Variants in ATP1A2 observed in about 807,000 individuals in gnomAD.
ATP1A2 encodes the protein sodium/potassium-transporting ATPase subunit alpha-2.
Under a neutral mutation model 113.1 loss-of-function variants are expected in ATP1A2, and 56 were observed. That is an observed-to-expected ratio of 0.49 (90% CI 0.40 to 0.62). The LOEUF is 0.62. ATP1A2 is among the 20% of genes least tolerant of loss of function. The pLI, the probability that ATP1A2 is intolerant of heterozygous loss-of-function variation, is 0.00. For synonymous variants in ATP1A2, 490 were observed against 526.8 expected, an observed-to-expected ratio of 0.93 and a Z score of 0.96; for missense variants, 712 against 1,357.8, an observed-to-expected ratio of 0.52 and a Z score of 7.47.
chr1:160,139,524 A>T, intron 20 of ATP1A2, 116 bp from the exon 21 acceptor site: 1 of 877,500 alleles, frequency 1.1e-6, no homozygotes, highest in Non-Finnish European at 1.9e-6. Context: ...GGAAGAAGAC[A>T]TGCGACTATG....
Position 160,136,479 on chromosome 1 carries a change from G to T in ATP1A2, c.2564-91G>T, listed in dbSNP as rs868698964. 7.8e-5 allele frequency: 125 copies of T among 1,612,526 alleles called. No homozygotes were observed. In the Admixed American group the frequency reaches 1.0e-3, roughly 13 times the overall value. On this transcript the variant is annotated intron_variant, in intron 18 of 22. Coordinates refer to ENST00000361216, the MANE Select transcript of ATP1A2 (RefSeq NM_000702.4). ...CCAGGACAGAGGCCAGCTACCCAAG[G>T]GTCAGGGACCTCCATCTCTGGCCCT...
Position 160,141,394 on chromosome 1 carries a change from G to A in ATP1A2, c.*72G>A, listed in dbSNP as rs2070701. On this transcript the variant is annotated 3_prime_UTR_variant, in exon 23 of 23. Coordinates refer to ENST00000361216, the MANE Select transcript of ATP1A2 (RefSeq NM_000702.4). ...GGTGTTGTGGGGATGGTGATGGAGA[G>A]GGATGGAAATAACGGGTGGCATTGG... 7,585 of 1,590,770 alleles carry A rather than the reference G, an allele frequency of 4.8e-3. 199 individuals carry two copies. In the Admixed American group the frequency reaches 0.066, roughly 14 times the overall value.
chr1:160,122,334 C>T (rs1176501582), intron 3 of ATP1A2, among the ~76,000 whole-genome samples: 2 of 150,142 alleles, frequency 1.3e-5, no homozygotes, highest in Admixed American at 6.7e-5. Context: ...AGGGCAGGGA[C>T]TTTGTTGGTC....
Position 160,141,378 on chromosome 1 carries a change from G to A in ATP1A2, c.*56G>A. On this transcript the variant is annotated 3_prime_UTR_variant, in exon 23 of 23. Coordinates refer to ENST00000361216, the MANE Select transcript of ATP1A2 (RefSeq NM_000702.4). Reference sequence around the variant, plus strand: ...GATGGGGAGCTCTGGAGGTGTTGTGGGGATGGTGATGGAGAGGGATGGAAA... The same window carrying A: ...GATGGGGAGCTCTGGAGGTGTTGTGAGGATGGTGATGGAGAGGGATGGAAA... The A allele has an allele frequency of 6.2e-7, 1 of 1,605,774 alleles. No individual in the cohort carries two copies. The highest frequency in any genetic ancestry group is 8.5e-7 in the Non-Finnish European group (1 of 1,172,448).
intron 8 of ATP1A2, chr1:160,128,383 C>A: frequency 1.1e-6 from 1 of 911,428 alleles, no homozygotes; most frequent in Non-Finnish European, 1.7e-6. Context: ...GTGTTGATGA[C>A]TCAGACATCC....
rs1215582819 is a variant in ATP1A2, at chr1:160,141,323, C to T, written c.*1C>T. 6.2e-7 allele frequency: 1 copy of T among 1,614,060 alleles called. No homozygotes were observed. The highest frequency in any genetic ancestry group is 8.5e-7 in the Non-Finnish European group (1 of 1,179,960). On this transcript the variant is annotated 3_prime_UTR_variant, in exon 23 of 23. Transcript: ENST00000361216. ...GGTGGAGAAGGAGACATACTACTGA[C>T]CCCATTGGAAGAAGAACCAGGCATG...
At chr1:160,128,450 C>G (rs1273969654) in intron 8 of ATP1A2, 22 of 1,487,772 alleles carry the variant, frequency 1.5e-5, no homozygotes, top group Non-Finnish European at 1.9e-5. Flanking sequence ...TCTTAAACCC[C>G]CTAATGGGCA....
At chr1:160,137,079 C>T in intron 20 of ATP1A2, 48 bp downstream of exon 20, 1 of 1,613,330 alleles carries the variant, frequency 6.2e-7, no homozygotes, top group Non-Finnish European at 8.5e-7. Context: ...TCTGGGCACA[C>T]TCACCAACCC....
rs138766432 is a variant in ATP1A2, at chr1:160,128,738, G to C, written c.1104G>C (p.Thr368=). The C allele has an allele frequency of 4.3e-6, 7 of 1,614,026 alleles. No individual in the cohort carries two copies. The African/African-American group carries it at 9.3e-5, about 22-fold the overall frequency. The change falls in exon 9 of 23, where the codon ACG becomes ACC. Residue 368 remains threonine, a synonymous_variant. Transcript: ENST00000361216. ...AGGCGGTGGAGACGCTGGGCTCCAC[G>C]TCCACCATCTGCTCGGACAAGACGG... is the stretch of plus-strand genomic sequence containing the variant. ...NLEAVETLGS[T]STICSDKTGT... is the part of the protein sequence containing the mutation.
At chr1:160,116,971 G>A (rs1651205502) in intron 1 of ATP1A2, among the ~76,000 whole-genome samples, 1 of 152,146 alleles carries the variant, frequency 6.6e-6, no homozygotes, top group South Asian at 2.1e-4. Context: ...GTGTGTGTGA[G>A]TGTGTGTCCT....
chr1:160,139,756 C>G lies in ATP1A2; in HGVS notation c.2942+15C>G, dbSNP rs202210259. On this transcript the variant is annotated intron_variant, in intron 21 of 22. Coordinates refer to ENST00000361216, the MANE Select transcript of ATP1A2 (RefSeq NM_000702.4). ...TACCCGCTCAAGTGAGTGTCTCTTT[C>G]GGGCGGCCTGAGTAGTCATACGGGG... 2 of 1,613,896 alleles carry G rather than the reference C, an allele frequency of 1.2e-6. No homozygotes were observed. The highest frequency in any genetic ancestry group is 2.7e-5 in the African/African-American group (2 of 74,916).
In ATP1A2 at chr1:160,136,445, A is replaced by G. The variant is rs1321148869; in HGVS notation, c.2563+75A>G. On this transcript the variant is annotated intron_variant, in intron 18 of 22. Coordinates refer to ENST00000361216, the MANE Select transcript of ATP1A2 (RefSeq NM_000702.4). ...CCAGCTTTCAGAGGAATGAGCCCCA[A>G]GCAAAATTCCAGGACAGAGGCCAGC... 6 of 1,612,358 alleles carry G rather than the reference A, an allele frequency of 3.7e-6. No homozygotes were observed. In the African/African-American group the frequency reaches 8.0e-5, roughly 22 times the overall value.
In ATP1A2 at chr1:160,136,622, G is replaced by A. The variant is rs2101996142; in HGVS notation, c.2616G>A (p.Glu872=). The change falls in exon 19 of 23, where the codon GAG becomes GAA. Residue 872 remains glutamate, a synonymous_variant. Transcript: ENST00000361216. ...TCACCTACTTTGTGATCCTGGCAGA[G>A]AACGGTTTCCTGCCATCACGGCTAC... ...GFFTYFVILA[E]NGFLPSRLLG... is the part of the protein sequence containing the mutation. 1 of 1,614,238 alleles carries A rather than the reference G, an allele frequency of 6.2e-7. No homozygotes were observed.
rs200295014 is a variant in ATP1A2 at position 160,135,870 on chromosome 1, C to T, written c.2316C>T (p.Ser772=). 1.2e-6 allele frequency: 2 copies of T among 1,614,156 alleles called. No homozygotes were observed. Among genetic ancestry groups the T allele is most frequent in the South Asian group, 2.2e-5 (2 of 91,068 alleles). The change falls in exon 17 of 23, where the codon TCC becomes TCT. Residue 772 remains serine, a synonymous_variant. Coordinates refer to ENST00000361216, the MANE Select transcript of ATP1A2 (RefSeq NM_000702.4). The surrounding 1 kb of genome is among the most constrained non-coding windows in gnomAD (Gnocchi z 6.3). The part of the protein sequence containing the change: ...GRLIFDNLKK[S]IAYTLTSNIP... Reference sequence around the variant, plus strand: ...TGATCTTTGACAACTTGAAGAAATCCATCGCCTACACCCTGACCAGCAACA... The same window carrying T: ...TGATCTTTGACAACTTGAAGAAATCTATCGCCTACACCCTGACCAGCAACA...
At chr1:160,120,209 G>A (rs1363444714) in intron 1 of ATP1A2, among the ~76,000 whole-genome samples, 1 of 152,088 alleles carries the variant, frequency 6.6e-6, no homozygotes, top group Non-Finnish European at 1.5e-5. Flanking sequence ...CTCCCGTCTA[G>A]TAACGGGCAG....
In ATP1A2 at chr1:160,136,389, C is replaced by T; in HGVS notation, c.2563+19C>T. The T allele has an allele frequency of 1.2e-6, 2 of 1,613,816 alleles. No individual in the cohort carries two copies. Among genetic ancestry groups the T allele is most frequent in the Non-Finnish European group, 1.7e-6 (2 of 1,180,034 alleles). ...CAGATCGGTGCGCCAAGCCCCGGGC[C>T]TCGGGAGGGAACCCCAACAGGGTTC... On this transcript the variant is annotated intron_variant, in intron 18 of 22. Transcript: ENST00000361216.
chr1:160,118,781 G>T (rs781675187), intron 1 of ATP1A2, among the ~76,000 whole-genome samples: 7 of 151,906 alleles, frequency 4.6e-5, no homozygotes, highest in Non-Finnish European at 1.0e-4. Context: ...CCCTACCCTT[G>T]CTTCTGATTG....
intron 3 of ATP1A2, 91 bp from the exon 4 acceptor site, chr1:160,123,122 C>A (rs1651469782): frequency 2.1e-6 from 3 of 1,454,408 alleles, no homozygotes; most frequent in Non-Finnish European, 2.9e-6. Flanking sequence ...TCTGGGCATT[C>A]TTCCCATGCC....
At chr1:160,134,388 A>C (rs958740881) in intron 13 of ATP1A2, 96 bp from the exon 14 acceptor site, 7 of 1,578,678 alleles carry the variant, frequency 4.4e-6, no homozygotes, top group Non-Finnish European at 6.1e-6. Flanking sequence ...ATCCCCAGAC[A>C]TCTCGCTATC....
Sources: allele counts gnomAD v4.1 joint callset (sites outside exome capture counted in the v4.1 genomes callset), GRCh38; gene constraint gnomAD v4.1.1; non-coding constraint Gnocchi (gnomAD v3.1); transcripts MANE v1.5; gene names NCBI Gene and HGNC (gene_info 2026-07-23, HGNC 2026-07-21).